Variants in RASGRP3 observed in about 807,000 individuals in gnomAD.
RASGRP3 encodes RAS guanyl releasing protein 3.
A neutral mutation model predicts 82.7 loss-of-function variants in RASGRP3; 54 were observed. The observed-to-expected ratio is 0.65, with a 90% CI of 0.52 to 0.82. The LOEUF (loss-of-function observed/expected upper bound fraction) is 0.82. Ranked by LOEUF, RASGRP3 falls within the 40% of genes least tolerant of loss-of-function variation. The probability of loss-of-function intolerance (pLI) is 0.00; values close to 1 mark genes in which losing one functional copy is unlikely to be tolerated. For synonymous variants in RASGRP3, 309 were observed against 300.5 expected (o/e 1.03, Z -0.29); for missense variants, 861 against 828.9 (o/e 1.04, Z -0.48).
intron 2 of RASGRP3, 32 bp from the exon 3 acceptor site, chr2:33,514,978 A>G: frequency 3.1e-6 from 2 of 654,266 alleles, no homozygotes; most frequent in Non-Finnish European, 5.4e-6. Context: ...ACTCTAGTCT[A>G]ATAACTTTCT....
intron 2 of RASGRP3, among the ~76,000 whole-genome samples, chr2:33,469,299 A>G (rs1382924978): frequency 1.3e-5 from 2 of 152,098 alleles, no homozygotes; most frequent in African/African-American, 4.8e-5. Flanking sequence ...TATTTTACAT[A>G]TATGTTTTAT....
chr2:33,534,694 A>ATTTTTTTTTTTT (rs71910431), intron 11 of RASGRP3, among the ~76,000 whole-genome samples: 24 of 122,204 alleles, frequency 2.0e-4, no homozygotes, highest in African/African-American at 6.5e-4. Flanking sequence ...ACACCCAGCA[A>ATTTTTTTTTTTT]TTTTTTTTTT....
At chr2:33,513,074 A>G (rs926175651) in intron 2 of RASGRP3, among the ~76,000 whole-genome samples, 1 of 152,238 alleles carries the variant, frequency 6.6e-6, no homozygotes, top group Non-Finnish European at 1.5e-5. Context: ...AAGATATAAA[A>G]AAGTTAGTTC....
chr2:33,479,243 G>A (rs1009617595), intron 1 of RASGRP3, among the ~76,000 whole-genome samples: 4 of 152,142 alleles, frequency 2.6e-5, no homozygotes, highest in African/African-American at 7.2e-5. Context: ...CTATAGGATC[G>A]CTGGCTGGTG....
chr2:33,480,480 G>T (rs1667796529), intron 1 of RASGRP3, among the ~76,000 whole-genome samples: 1 of 152,176 alleles, frequency 6.6e-6, no homozygotes, highest in Non-Finnish European at 1.5e-5. Context: ...GCTAGGAATT[G>T]CTCACTTCTG....
At chr2:33,494,383 A>G (rs1669124421) in intron 1 of RASGRP3, among the ~76,000 whole-genome samples, 2 of 152,202 alleles carry the variant, frequency 1.3e-5, no homozygotes, top group African/African-American at 4.8e-5. Context: ...TTAGAGTAAT[A>G]AACAACAACA....
rs942194339 is a variant in RASGRP3 at position 33,557,411 on chromosome 2, T to TA, written c.1580-793dup. Among the ~76,000 whole-genome samples the TA allele has an allele frequency of 1.1e-4, 16 of 151,134 alleles. No individual in the cohort carries two copies. In the East Asian group the frequency reaches 2.3e-3, roughly 22 times the overall value. The stretch of plus-strand genomic sequence containing the variant: ...AAAGGTTTTGGAAAATGAAGAAGAG[T>TA]AAAAAAATCCAGACAAGGCCGGGCA... On this transcript the variant is annotated intron_variant, in intron 15 of 17. Transcript: ENST00000403687.
At chr2:33,551,422 C>G (rs1163234192) in intron 14 of RASGRP3, among the ~76,000 whole-genome samples, 1 of 152,176 alleles carries the variant, frequency 6.6e-6, no homozygotes, top group African/African-American at 2.4e-5. Context: ...GCATAACACG[C>G]TCCTACAGAG....
At chr2:33,480,670 CT>C (rs1667814624) in intron 1 of RASGRP3, among the ~76,000 whole-genome samples, 1 of 152,166 alleles carries the variant, frequency 6.6e-6, no homozygotes, top group African/African-American at 2.4e-5. Context: ...TATTTTGTTT[CT>C]TTGTTTTTGC....
chr2:33,481,097 A>G (rs777492855), intron 1 of RASGRP3: 2 of 152,244 alleles, frequency 1.3e-5, no homozygotes, highest in African/African-American at 2.4e-5. Context: ...TCAGAGCTCA[A>G]CTATATCTCT....
At chr2:33,529,904 G>A (rs1403877661) in intron 10 of RASGRP3, among the ~76,000 whole-genome samples, 2 of 152,124 alleles carry the variant, frequency 1.3e-5, no homozygotes, top group African/African-American at 2.4e-5. Context: ...AGCTCATCAC[G>A]ATAGCACAAT....
chr2:33,497,499 G>T (rs1008720352), intron 1 of RASGRP3, among the ~76,000 whole-genome samples: 1 of 152,164 alleles, frequency 6.6e-6, no homozygotes, highest in African/African-American at 2.4e-5. Context: ...TGGTGGAAAA[G>T]TTTTTGTGTA....
intron 2 of RASGRP3, among the ~76,000 whole-genome samples, chr2:33,448,958 T>C (rs1253745518): frequency 2.0e-5 from 3 of 152,282 alleles, no homozygotes; most frequent in Admixed American, 2.0e-4. Flanking sequence ...TTACATATAG[T>C]AAATGTTTAA....
chr2:33,562,112 T>A (rs1364041543), intron 17 of RASGRP3, among the ~76,000 whole-genome samples: 1 of 152,160 alleles, frequency 6.6e-6, no homozygotes, highest in African/African-American at 2.4e-5. Context: ...TGCACTAATT[T>A]ACACTGTGGA....
chr2:33,438,009 A>G (rs1010587051), intron 1 of RASGRP3, among the ~76,000 whole-genome samples: 1 of 152,212 alleles, frequency 6.6e-6, no homozygotes, highest in South Asian at 2.1e-4. Flanking sequence ...GCCACGCCAC[A>G]TGGCTCTAAT....
At chr2:33,536,398 A>C (rs2151060070) in intron 11 of RASGRP3, among the ~76,000 whole-genome samples, 1 of 151,906 alleles carries the variant, frequency 6.6e-6, no homozygotes, top group South Asian at 2.1e-4. Context: ...CACTCGGATC[A>C]AACAGCTGCT....
Position 33,562,715 on chromosome 2 carries a change from A to G in RASGRP3, c.2065-14A>G, listed in dbSNP as rs1187876059. On this transcript the variant is annotated splice_polypyrimidine_tract_variant and intron_variant, in intron 17 of 17. Coordinates refer to ENST00000403687, the MANE Select transcript of RASGRP3 (RefSeq NM_001139488.2). ...GAGATCCAGCCATGCAATAGGTTCC[A>G]ATTTGTGTTTCAGGATGGCTGACTT... 2 of 1,613,378 alleles carry G rather than the reference A, an allele frequency of 1.2e-6. No individual in the cohort carries two copies. The highest frequency in any genetic ancestry group is 1.7e-6 in the Non-Finnish European group (2 of 1,179,340).
chr2:33,534,368 T>C lies in RASGRP3; in HGVS notation c.1129T>C (p.Ser377Pro). 6.3e-7 allele frequency: 1 copy of C among 1,581,512 alleles called. No individual in the cohort carries two copies. The highest frequency in any genetic ancestry group is 8.7e-7 in the Non-Finnish European group (1 of 1,151,626). The change falls in exon 11 of 18, where the codon TCA (serine) becomes CCA (proline). Residue 377 changes from serine to proline, a missense_variant. Ser to Pro is a moderately conservative substitution (Grantham distance 74). Transcript: ENST00000403687. ...YHTEDDIYKL[S>P]LVLEPRNSKS... ...CACTGAAGATGATATTTACAAACTGTCACTGGTGCTGGAGCCTAGAAATTC... is the reference window on the plus strand; with the variant it reads ...CACTGAAGATGATATTTACAAACTGCCACTGGTGCTGGAGCCTAGAAATTC...
intron 10 of RASGRP3, among the ~76,000 whole-genome samples, chr2:33,530,449 A>T (rs1282565563): frequency 2.0e-5 from 3 of 151,364 alleles, no homozygotes; most frequent in African/African-American, 7.3e-5. Context: ...CATACCCTGC[A>T]ATGCAGCCTG....
Sources: gnomAD v4.1 joint callset for allele counts (sites outside exome capture counted in the v4.1 genomes callset) on GRCh38, gnomAD v4.1.1 for gene constraint, MANE v1.5 for transcripts, NCBI Gene and HGNC (gene_info 2026-07-23, HGNC 2026-07-21) for gene names.